PEPD: variants seen among roughly 807,000 people sequenced by gnomAD.
PEPD encodes the protein xaa-Pro dipeptidase.
In PEPD, 53 loss-of-function variants were observed where a neutral mutation model predicts 60.7. The observed-to-expected ratio is 0.87, with a 90% CI of 0.70 to 1.10. The LOEUF is 1.10. Among genes scored for constraint, PEPD ranks in the 50% least tolerant of loss-of-function variants. The pLI is 0.00. For synonymous variants in PEPD, 267 were observed against 284.1 expected (o/e 0.94, Z 0.60); for missense variants, 711 against 711.9 (o/e 1.00, Z 0.01).
At chr19:33,491,113 A>AG (rs1165891282) in intron 5 of PEPD, among the ~76,000 whole-genome samples, 3 of 152,208 alleles carry the variant, frequency 2.0e-5, no homozygotes, top group Non-Finnish European at 4.4e-5. Context: ...AAGCAAAAAA[A>AG]AGGGGCCAAG....
chr19:33,387,924 C>T lies in PEPD; in HGVS notation c.1310G>A (p.Arg437His), dbSNP rs373297406. The change falls in exon 14 of 15, where the codon CGC becomes CAC. Residue 437 changes from arginine to histidine, a missense_variant. Coordinates refer to ENST00000244137, the MANE Select transcript of PEPD (RefSeq NM_000285.4). ...ADPARASFLN[R>H]EVLQRFRGFG... Reference sequence around the variant, plus strand: ...ACCGCGAAAGCGCTGCAGGACCTCGCGGTTAAGGAAGGAGGCGCGGGCCGG... The same window carrying T: ...ACCGCGAAAGCGCTGCAGGACCTCGTGGTTAAGGAAGGAGGCGCGGGCCGG... The T allele has an allele frequency of 2.1e-5, 33 of 1,591,956 alleles. No individual in the cohort carries two copies. The African/African-American group carries it at 3.3e-4, about 16-fold the overall frequency.
chr19:33,396,408 C>T (rs772559648), intron 12 of PEPD, among the ~76,000 whole-genome samples: 26 of 152,268 alleles, frequency 1.7e-4, no homozygotes, highest in Non-Finnish European at 3.1e-4. Context: ...CTGGTCATCC[C>T]GCGCCTCAGT....
chr19:33,397,621 G>T (rs773197778), intron 12 of PEPD, among the ~76,000 whole-genome samples: 35 of 151,844 alleles, frequency 2.3e-4, no homozygotes, highest in Non-Finnish European at 3.5e-4. Flanking sequence ...GGGGGCTGCT[G>T]GGGGGCTGCT....
At chr19:33,423,486 T>C (rs186463148) in intron 9 of PEPD, among the ~76,000 whole-genome samples, 226 of 152,346 alleles carry the variant, frequency 1.5e-3, no homozygotes, top group Non-Finnish European at 2.7e-3. Flanking sequence ...CATAAGGATT[T>C]TGGGGTCCTG....
At chr19:33,417,844 G>A (rs1017852153) in intron 9 of PEPD, among the ~76,000 whole-genome samples, 5 of 152,110 alleles carry the variant, frequency 3.3e-5, no homozygotes, top group Non-Finnish European at 7.4e-5. Flanking sequence ...TCCACGGCCC[G>A]GACACCCACT....
At chr19:33,514,205 G>A (rs192706283) in intron 1 of PEPD, among the ~76,000 whole-genome samples, 1 of 152,262 alleles carries the variant, frequency 6.6e-6, no homozygotes, top group African/African-American at 2.4e-5. Flanking sequence ...CCAGCCAGGG[G>A]GCAGTGGGTG....
At chr19:33,508,282 A>C (rs1427899163) in intron 3 of PEPD, among the ~76,000 whole-genome samples, 2 of 152,226 alleles carry the variant, frequency 1.3e-5, no homozygotes, top group African/African-American at 4.8e-5. Context: ...GTACCCTGGC[A>C]CAGGGGCCCT....
intron 13 of PEPD, among the ~76,000 whole-genome samples, chr19:33,390,502 G>A (rs1039806178): frequency 8.5e-5 from 13 of 152,372 alleles, no homozygotes; most frequent in South Asian, 6.2e-4. Flanking sequence ...CAGCCAAGAG[G>A]CTGAGCCTTG....
chr19:33,451,165 G>A (rs1969691769), intron 9 of PEPD, among the ~76,000 whole-genome samples: 1 of 152,194 alleles, frequency 6.6e-6, no homozygotes, highest in African/African-American at 2.4e-5. Flanking sequence ...CTTTAATAAA[G>A]CTGTTTCTTC....
chr19:33,472,265 T>G (rs1316757186), intron 7 of PEPD, among the ~76,000 whole-genome samples: 1 of 151,596 alleles, frequency 6.6e-6, no homozygotes, highest in Non-Finnish European at 1.5e-5. Flanking sequence ...GAGTCCGAGG[T>G]TGTAGTGAGC....
chr19:33,511,590 C>T, intron 2 of PEPD: 1 of 295,392 alleles, frequency 3.4e-6, no homozygotes, highest in Non-Finnish European at 6.7e-6. Flanking sequence ...CCCTCTCCCA[C>T]CCCCGGGACG....
chr19:33,407,095 T>C (rs1431033578), intron 11 of PEPD, among the ~76,000 whole-genome samples: 2 of 152,196 alleles, frequency 1.3e-5, no homozygotes, highest in African/African-American at 2.4e-5. Flanking sequence ...TGGGGCATCC[T>C]GGGACACGTG....
In PEPD at chr19:33,388,368, G is replaced by C. The variant is rs377525761; in HGVS notation, c.1153-287C>G. ...GCACACACCCGGGGCAAGCTGCCCA[G>C]ACAGGCCTGTGGGGCTGGCTGAGGG... On this transcript the variant is annotated intron_variant, in intron 13 of 14. Transcript: ENST00000244137. The C allele has an allele frequency of 3.3e-4, 201 of 605,356 alleles. 1 individual carries two copies. In the East Asian group the frequency reaches 4.0e-3, roughly 12 times the overall value. 37.5% of individuals were successfully genotyped at this position (605,356 alleles called of 1,614,324 possible). A position where few individuals can be genotyped will look rare whatever the true frequency, so the allele number is the denominator to read the frequency against.
intron 1 of PEPD, among the ~76,000 whole-genome samples, chr19:33,520,966 C>T (rs919921814): frequency 6.6e-6 from 1 of 152,246 alleles, no homozygotes; most frequent in Non-Finnish European, 1.5e-5. Flanking sequence ...CCCAGGCATG[C>T]ACCCCTGTCC....
At chr19:33,517,921 C>T (rs148734640) in intron 1 of PEPD, among the ~76,000 whole-genome samples, 1,833 of 150,858 alleles carry the variant, frequency 0.012, 29 homozygotes, top group South Asian at 0.074. Context: ...GAGCCGAGAT[C>T]GCGCCATTGC....
intron 10 of PEPD, 68 bp from the exon 11 acceptor site, chr19:33,411,817 AT>A: frequency 1.2e-5 from 11 of 946,292 alleles, no homozygotes; most frequent in Non-Finnish European, 1.9e-5. Context: ...GAGGGGGTGG[AT>A]GCTCGATCCC....
At chr19:33,422,492 C>T (rs1008082505) in intron 9 of PEPD, among the ~76,000 whole-genome samples, 1 of 151,816 alleles carries the variant, frequency 6.6e-6, no homozygotes, top group African/African-American at 2.4e-5. Flanking sequence ...TATCATCCAT[C>T]TACCCATCCA....
chr19:33,439,578 G>T (rs1466778906), intron 9 of PEPD, among the ~76,000 whole-genome samples: 1 of 152,198 alleles, frequency 6.6e-6, no homozygotes, highest in African/African-American at 2.4e-5. Context: ...ATGCCTCTGG[G>T]GCCCAGGTCA....
At chr19:33,409,003 A>C (rs8103773) in intron 11 of PEPD, among the ~76,000 whole-genome samples, 9,719 of 152,338 alleles carry the variant, frequency 0.064, 1,064 homozygotes, top group African/African-American at 0.22. Flanking sequence ...AGCACTAGAA[A>C]AATCAAATCA....
Sources: allele counts gnomAD v4.1 joint callset (sites outside exome capture counted in the v4.1 genomes callset), GRCh38; gene constraint gnomAD v4.1.1; transcripts MANE v1.5; gene names NCBI Gene and HGNC (gene_info 2026-07-23, HGNC 2026-07-21).